The following ME3 variants were observed in gnomAD, a reference collection of about 807,000 sequenced individuals.
The protein encoded by ME3 is malic enzyme 3.
A neutral mutation model predicts 68.9 loss-of-function variants in ME3; 48 were observed. The observed-to-expected ratio is 0.70, with a 90% CI of 0.55 to 0.89. The LOEUF (loss-of-function observed/expected upper bound fraction) is 0.89. Ranked by LOEUF, ME3 falls within the 40% of genes least tolerant of loss-of-function variation. ME3 has a pLI of 0.00. For missense variants in ME3, 675 were observed against 797.4 expected, an observed-to-expected ratio of 0.85 and a Z score of 1.85; for synonymous variants, 320 against 318.8, an observed-to-expected ratio of 1.00 and a Z score of -0.04.
chr11:86,529,394 C>G (rs1594313993), intron 4 of ME3, among the ~76,000 whole-genome samples: 1 of 152,212 alleles, frequency 6.6e-6, no homozygotes, highest in African/African-American at 2.4e-5. Context: ...AAGTCCAGGA[C>G]CAGATGGATT....
At chr11:86,450,785 C>T (rs1473142934) in intron 8 of ME3, among the ~76,000 whole-genome samples, 1 of 152,192 alleles carries the variant, frequency 6.6e-6, no homozygotes, top group African/African-American at 2.4e-5. Context: ...CACAACCTGA[C>T]CATGAGGCAT....
intron 2 of ME3, among the ~76,000 whole-genome samples, chr11:86,641,997 A>T (rs1395421506): frequency 4.6e-5 from 7 of 152,204 alleles, no homozygotes; most frequent in Admixed American, 3.3e-4. Context: ...CCCAGGAATC[A>T]TGGTTCATAA....
intron 2 of ME3, among the ~76,000 whole-genome samples, chr11:86,632,183 T>C (rs112598130): frequency 8.1e-4 from 124 of 152,310 alleles, no homozygotes; most frequent in African/African-American, 2.8e-3. Context: ...GACTGGATAC[T>C]TCCAAAAGTG....
intron 2 of ME3, among the ~76,000 whole-genome samples, chr11:86,659,463 G>A (rs973913356): frequency 6.6e-6 from 1 of 152,184 alleles, no homozygotes; most frequent in African/African-American, 2.4e-5. Flanking sequence ...GAAAACTTAT[G>A]TAGACTAGTG....
intron 2 of ME3, among the ~76,000 whole-genome samples, chr11:86,599,925 C>A (rs1405271365): frequency 1.3e-5 from 2 of 152,084 alleles, no homozygotes; most frequent in African/African-American, 2.4e-5. Context: ...ACCAAGCCTG[C>A]CCTAAAAGAG....
intron 2 of ME3, among the ~76,000 whole-genome samples, chr11:86,661,141 A>C (rs1458163595): frequency 2.0e-5 from 3 of 152,268 alleles, no homozygotes; most frequent in Admixed American, 1.3e-4. Context: ...GATCTGAAGA[A>C]AACACATGCA....
At position 86,465,203 on chromosome 11, in the gene ME3, GT is replaced by G. The variant is rs1199859463; in HGVS notation, c.810-4del. ...GGATGAGGCAATTTATTCCAAACCT[GT>G]GTGGAGGGAGAGGAAGAAACCCATG... On this transcript the variant is annotated splice_polypyrimidine_tract_variant and splice_region_variant and intron_variant, in intron 7 of 14. Transcript: ENST00000543262. The G allele has an allele frequency of 6.2e-7, 1 of 1,606,052 alleles. No individual in the cohort carries two copies. Among genetic ancestry groups the G allele is most frequent in the East Asian group, 2.2e-5 (1 of 44,826 alleles).
intron 2 of ME3, among the ~76,000 whole-genome samples, chr11:86,649,095 C>T (rs1945228333): frequency 2.0e-5 from 3 of 152,158 alleles, no homozygotes; most frequent in Non-Finnish European, 4.4e-5. Context: ...AATCCAGCAG[C>T]ACATTAAAAA....
chr11:86,441,370 A>T, exon 15 of ME3: 1 of 1,613,460 alleles, frequency 6.2e-7, no homozygotes, highest in Non-Finnish European at 8.5e-7. Context: ...CAGGGATCTT[A>T]CAAAAGCCTC....
intron 4 of ME3, among the ~76,000 whole-genome samples, chr11:86,513,470 A>G (rs925808019): frequency 1.3e-5 from 2 of 152,176 alleles, no homozygotes; most frequent in Non-Finnish European, 2.9e-5. Context: ...AAGTCCAGAG[A>G]GGTGAAGTCA....
chr11:86,569,806 G>A (rs2139538016), intron 2 of ME3, among the ~76,000 whole-genome samples: 1 of 152,268 alleles, frequency 6.6e-6, no homozygotes, highest in Non-Finnish European at 1.5e-5. Flanking sequence ...ACTTGCCCAA[G>A]GTCACACAGC....
chr11:86,564,403 C>T lies in ME3; in HGVS notation c.184-4580G>A, dbSNP rs1305369418. On this transcript the variant is annotated intron_variant, in intron 2 of 14. Coordinates refer to ENST00000543262, the Ensembl canonical transcript of ME3. ...ATTCACATGGACTAGCAAGGGACCC[C>T]GAACAGCCAAAATCTTTTTTTTTAA... is the stretch of plus-strand genomic sequence containing the variant. Among the ~76,000 whole-genome samples the T allele has an allele frequency of 4.0e-5, 6 of 149,138 alleles. No homozygotes were observed. The East Asian group carries it at 5.9e-4, about 15-fold the overall frequency.
In ME3 at chr11:86,646,376, A is replaced by G. The variant is rs531406011; in HGVS notation, c.183+25386T>C. Among the ~76,000 whole-genome samples the G allele has an allele frequency of 2.6e-5, 4 of 152,360 alleles. 1 individual carries two copies. The South Asian group carries it at 8.3e-4, about 32-fold the overall frequency. Reference sequence around the variant, plus strand: ...ACATAAATGACCTAATGGAGCTAAAAAACACAGCACAAGAATTTCATGAAA... The same window carrying G: ...ACATAAATGACCTAATGGAGCTAAAGAACACAGCACAAGAATTTCATGAAA... On this transcript the variant is annotated intron_variant, in intron 2 of 14. Transcript: ENST00000543262.
intron 6 of ME3, among the ~76,000 whole-genome samples, chr11:86,492,046 T>G (rs1342551903): frequency 1.3e-5 from 2 of 152,224 alleles, no homozygotes; most frequent in Non-Finnish European, 2.9e-5. Context: ...CCTCTGAGCA[T>G]CCTCAGTAGG....
At chr11:86,539,811 C>A (rs897435173) in intron 4 of ME3, among the ~76,000 whole-genome samples, 25 of 152,128 alleles carry the variant, frequency 1.6e-4, no homozygotes, top group Non-Finnish European at 1.2e-4. Context: ...CCACAGGTGT[C>A]CAACCTTTTG....
intron 6 of ME3, 88 bp downstream of exon 6, chr11:86,497,875 T>C: frequency 7.1e-7 from 1 of 1,407,974 alleles, no homozygotes; most frequent in Non-Finnish European, 9.6e-7. Context: ...CATTGCTGTG[T>C]AGATATAACC....
chr11:86,493,086 C>G (rs1952096078), intron 6 of ME3, among the ~76,000 whole-genome samples: 2 of 152,174 alleles, frequency 1.3e-5, no homozygotes, highest in African/African-American at 4.8e-5. Flanking sequence ...AGAGAGTGAG[C>G]TCTATGATGG....
At chr11:86,507,905 A>G (rs1953203007) in intron 5 of ME3, among the ~76,000 whole-genome samples, 1 of 151,556 alleles carries the variant, frequency 6.6e-6, no homozygotes. Flanking sequence ...GGATCACCTG[A>G]GCCCAGGAGA....
At chr11:86,639,117 T>A (rs1179300454) in intron 2 of ME3, among the ~76,000 whole-genome samples, 2 of 152,244 alleles carry the variant, frequency 1.3e-5, no homozygotes, top group African/African-American at 4.8e-5. Context: ...TATTACTACA[T>A]CTGTCTGAGA....
Sources: gnomAD v4.1 joint callset for allele counts (sites outside exome capture counted in the v4.1 genomes callset) on GRCh38, gnomAD v4.1.1 for gene constraint, MANE v1.5 for transcripts, NCBI Gene and HGNC (gene_info 2026-07-23, HGNC 2026-07-21) for gene names.